SCAPER: variants seen among roughly 807,000 people sequenced by gnomAD.
The protein encoded by SCAPER is S-phase cyclin A associated protein in the ER.
A neutral mutation model predicts 182.2 loss-of-function variants in SCAPER; 98 were observed. The ratio of observed to expected loss-of-function variants is 0.54; its 90% confidence interval spans 0.46 to 0.64. SCAPER has a LOEUF of 0.64. Among genes scored for constraint, SCAPER ranks in the 30% least tolerant of loss-of-function variants. SCAPER has a pLI of 0.00. For missense variants in SCAPER, 1,432 were observed against 1,690.0 expected (o/e 0.85, Z 2.68); for synonymous variants, 605 against 564.6 (o/e 1.07, Z -1.01).
At chr15:76,443,166 T>C (rs1044695525) in intron 25 of SCAPER, among the ~76,000 whole-genome samples, 3 of 152,150 alleles carry the variant, frequency 2.0e-5, no homozygotes, top group African/African-American at 7.2e-5. Context: ...TCCCAAACAG[T>C]GCAGGGGCTC....
chr15:76,678,681 G>C (rs576461563), intron 20 of SCAPER, among the ~76,000 whole-genome samples: 1 of 150,512 alleles, frequency 6.6e-6, no homozygotes, highest in African/African-American at 2.4e-5. Flanking sequence ...GAAGAAGAAG[G>C]AAAATTGGGA....
intron 24 of SCAPER, among the ~76,000 whole-genome samples, chr15:76,497,229 GA>G (rs1224049118): frequency 6.9e-6 from 1 of 145,238 alleles, no homozygotes; most frequent in East Asian, 2.1e-4. Context: ...AAATACCTAA[GA>G]AAAAAAATCA....
chr15:76,818,623 A>G (rs3099141), intron 5 of SCAPER, among the ~76,000 whole-genome samples: 143,466 of 148,704 alleles, frequency 0.96, 69,328 homozygotes, highest in East Asian at 1. Flanking sequence ...CAAGATGGCC[A>G]AATAGGAACA....
chr15:76,505,651 A>C (rs1233812629), intron 23 of SCAPER, among the ~76,000 whole-genome samples: 1 of 152,160 alleles, frequency 6.6e-6, no homozygotes, highest in Non-Finnish European at 1.5e-5. Context: ...TGGGAATGTA[A>C]ATTAGTACAA....
At chr15:76,781,584 T>C (rs1162845923) in intron 8 of SCAPER, among the ~76,000 whole-genome samples, 2 of 152,068 alleles carry the variant, frequency 1.3e-5, no homozygotes, top group African/African-American at 4.8e-5. Context: ...AGACACATAA[T>C]TGTCAGATTC....
chr15:76,380,708 T>G (rs1388035056), intron 28 of SCAPER: 1 of 152,206 alleles, frequency 6.6e-6, no homozygotes, highest in African/African-American at 2.4e-5. Context: ...GGTTCAGTGT[T>G]TTTGAAAATT....
chr15:76,848,549 T>C (rs2070381065), intron 4 of SCAPER, among the ~76,000 whole-genome samples: 1 of 147,182 alleles, frequency 6.8e-6, no homozygotes, highest in African/African-American at 2.5e-5. Context: ...TTAGCCAGGA[T>C]GGTCTCGATC....
At chr15:76,564,166 G>A (rs1020553034) in intron 23 of SCAPER, among the ~76,000 whole-genome samples, 1 of 151,940 alleles carries the variant, frequency 6.6e-6, no homozygotes, top group Non-Finnish European at 1.5e-5. Flanking sequence ...TCCTGGCCAG[G>A]GCAATCAGGC....
At chr15:76,569,747 C>CA (rs2047304434) in intron 23 of SCAPER, among the ~76,000 whole-genome samples, 1 of 151,954 alleles carries the variant, frequency 6.6e-6, no homozygotes, top group Non-Finnish European at 1.5e-5. Flanking sequence ...TCTCCATGCT[C>CA]AGTCTGGATT....
At chr15:76,569,119 T>C (rs1305586350) in intron 23 of SCAPER, among the ~76,000 whole-genome samples, 5 of 152,002 alleles carry the variant, frequency 3.3e-5, no homozygotes, top group African/African-American at 1.2e-4. Context: ...TAAATATTTT[T>C]GTTGTACACA....
intron 17 of SCAPER, among the ~76,000 whole-genome samples, chr15:76,718,655 A>AT (rs1332267267): frequency 6.6e-6 from 1 of 151,896 alleles, no homozygotes; most frequent in Non-Finnish European, 1.5e-5. Flanking sequence ...AGGAAAAAAA[A>AT]AACAAAAACA....
At chr15:76,488,910 A>G (rs1596980312) in intron 24 of SCAPER, among the ~76,000 whole-genome samples, 1 of 150,324 alleles carries the variant, frequency 6.7e-6, no homozygotes, top group East Asian at 2.0e-4. Context: ...TTTAGTAGAG[A>G]TAGGGTTTTG....
chr15:76,728,376 T>C (rs906445905), intron 17 of SCAPER, among the ~76,000 whole-genome samples: 1 of 152,106 alleles, frequency 6.6e-6, no homozygotes, highest in Non-Finnish European at 1.5e-5. Context: ...AATCAAATTA[T>C]ATATTTTTTG....
chr15:76,615,530 CACAA>C (rs1268447704), intron 22 of SCAPER, among the ~76,000 whole-genome samples: 5 of 131,300 alleles, frequency 3.8e-5, no homozygotes, highest in East Asian at 2.5e-4. Context: ...CACACACACA[CACAA>C]ATGAGGCCAG....
chr15:76,775,531 C>T (rs886917169), intron 8 of SCAPER, among the ~76,000 whole-genome samples: 15 of 152,026 alleles, frequency 9.9e-5, no homozygotes, highest in Admixed American at 5.9e-4. Flanking sequence ...TCCCAGATCA[C>T]GCACAGAGTA....
chr15:76,764,840 T>C (rs533304052), intron 14 of SCAPER, 121 bp downstream of exon 14: 7 of 610,226 alleles, frequency 1.1e-5, no homozygotes, highest in African/African-American at 9.5e-5. Flanking sequence ...AAAATGCTTT[T>C]ATTTCCTAGC....
intron 4 of SCAPER, chr15:76,855,852 A>T (rs778863629): frequency 4.5e-6 from 2 of 442,044 alleles, no homozygotes; most frequent in Non-Finnish European, 9.2e-6. Flanking sequence ...CATTATGGAA[A>T]GAAGTATGGC....
intron 20 of SCAPER, among the ~76,000 whole-genome samples, chr15:76,695,614 A>C (rs1459952223): frequency 6.6e-6 from 1 of 151,964 alleles, no homozygotes; most frequent in Non-Finnish European, 1.5e-5. Context: ...AAAAAGAAAA[A>C]AGAAAAAAAA....
intron 21 of SCAPER, among the ~76,000 whole-genome samples, chr15:76,662,621 A>C (rs2056282908): frequency 6.6e-6 from 1 of 152,298 alleles, no homozygotes; most frequent in Middle Eastern, 3.4e-3. Flanking sequence ...AAGGTTTCAA[A>C]ATAGAAACTT....
Sources: gnomAD v4.1 joint callset for allele counts (sites outside exome capture counted in the v4.1 genomes callset) on GRCh38, gnomAD v4.1.1 for gene constraint, MANE v1.5 for transcripts, NCBI Gene and HGNC (gene_info 2026-07-23, HGNC 2026-07-21) for gene names.